The following PDE11A variants were observed in gnomAD, a reference collection of about 807,000 sequenced individuals.
The protein encoded by PDE11A is dual 3',5'-cyclic-AMP and -GMP phosphodiesterase 11A.
In PDE11A, 100 loss-of-function variants were observed where a neutral mutation model predicts 100.5. The ratio of observed to expected loss-of-function variants is 1.00; its 90% confidence interval spans 0.85 to 1.18. PDE11A has a LOEUF of 1.18. PDE11A is among the 50% of genes most tolerant of loss of function. The pLI, the probability that PDE11A is intolerant of heterozygous loss-of-function variation, is 0.00. For synonymous variants in PDE11A, 381 were observed against 420.8 expected (o/e 0.91, Z 1.16); for missense variants, 1,141 against 1,152.6 (o/e 0.99, Z 0.15).
chr2:177,933,870 A>G (rs1376756822), intron 2 of PDE11A, among the ~76,000 whole-genome samples: 5 of 152,198 alleles, frequency 3.3e-5, no homozygotes, highest in African/African-American at 1.2e-4. Context: ...AACAAAAATA[A>G]GCAATTGTGA....
chr2:178,089,513 G>A (rs1023172942), intron 2 of PDE11A, among the ~76,000 whole-genome samples: 3 of 152,238 alleles, frequency 2.0e-5, no homozygotes, highest in Admixed American at 2.0e-4. Flanking sequence ...AGGCAGGCCA[G>A]AGGATTAGAT....
At chr2:177,663,711 G>A (rs1472333976) in intron 19 of PDE11A, among the ~76,000 whole-genome samples, 155 bp downstream of exon 19, 1 of 152,158 alleles carries the variant, frequency 6.6e-6, no homozygotes, top group Non-Finnish European at 1.5e-5. Flanking sequence ...CCCAGCCAGG[G>A]CACAGTCAGA....
chr2:177,907,802 G>A (rs1289045582), intron 2 of PDE11A, among the ~76,000 whole-genome samples: 2 of 152,170 alleles, frequency 1.3e-5, no homozygotes, highest in Non-Finnish European at 2.9e-5. Flanking sequence ...AAAGATTTGG[G>A]TTGCTTACAT....
intron 1 of PDE11A, among the ~76,000 whole-genome samples, chr2:178,021,420 G>A (rs1471483697): frequency 2.0e-5 from 3 of 152,108 alleles, no homozygotes; most frequent in Non-Finnish European, 4.4e-5. Context: ...ATACAATTAT[G>A]TACTTTCTTA....
chr2:177,823,441 G>C (rs1267400207), intron 6 of PDE11A, among the ~76,000 whole-genome samples: 1 of 152,178 alleles, frequency 6.6e-6, no homozygotes, highest in Non-Finnish European at 1.5e-5. Flanking sequence ...GCTCACATTT[G>C]CTAGATGTTC....
intron 4 of PDE11A, among the ~76,000 whole-genome samples, chr2:177,897,252 A>C (rs1185404415): frequency 1.3e-5 from 2 of 152,184 alleles, no homozygotes; most frequent in Non-Finnish European, 2.9e-5. Flanking sequence ...AAGAATTTAG[A>C]TTGATGATGA....
Position 177,629,024 on chromosome 2 carries a change from G to C in PDE11A, c.*383C>G, listed in dbSNP as rs539090296. ...GGCAGTGTTTGGCTTGTAACAAACAGAAAAGCCCTATACAAAACGAAGCAG... is the reference window on the plus strand; with the variant it reads ...GGCAGTGTTTGGCTTGTAACAAACACAAAAGCCCTATACAAAACGAAGCAG... On this transcript the variant is annotated 3_prime_UTR_variant, in exon 20 of 20. Coordinates refer to ENST00000286063, the MANE Select transcript of PDE11A (RefSeq NM_016953.4). 3.8e-5 allele frequency: 9 copies of C among 239,980 alleles called. No homozygotes were observed. Among genetic ancestry groups the C allele is most frequent in the Non-Finnish European group, 6.6e-5 (8 of 120,714 alleles). The allele number at this position is 239,980 out of a possible 1,614,324, so 14.9% of individuals were successfully genotyped here.
intron 2 of PDE11A, chr2:177,998,574 G>C: frequency 1.5e-6 from 2 of 1,297,106 alleles, no homozygotes; most frequent in Non-Finnish European, 2.2e-6. Flanking sequence ...GTCTAACTGT[G>C]CATTGATAGC....
At chr2:177,993,204 G>C (rs2086025102) in intron 2 of PDE11A, among the ~76,000 whole-genome samples, 1 of 152,210 alleles carries the variant, frequency 6.6e-6, no homozygotes, top group South Asian at 2.1e-4. Flanking sequence ...CTGCGTGGTA[G>C]AGAGTAGGGC....
chr2:177,800,735 G>A (rs962009990), intron 9 of PDE11A, among the ~76,000 whole-genome samples: 1 of 152,092 alleles, frequency 6.6e-6, no homozygotes, highest in Non-Finnish European at 1.5e-5. Flanking sequence ...CCTGATGGGG[G>A]GAAGAATATT....
intron 9 of PDE11A, among the ~76,000 whole-genome samples, chr2:177,792,290 T>C (rs964558846): frequency 5.3e-5 from 8 of 152,200 alleles, no homozygotes; most frequent in African/African-American, 1.9e-4. Flanking sequence ...ATTGAGCAAC[T>C]TGGATTGGTT....
intron 5 of PDE11A, among the ~76,000 whole-genome samples, chr2:177,841,140 C>T (rs1352635680): frequency 2.6e-5 from 4 of 152,172 alleles, no homozygotes; most frequent in Non-Finnish European, 5.9e-5. Context: ...ATTTTCATGA[C>T]AGACACTACA....
intron 10 of PDE11A, among the ~76,000 whole-genome samples, chr2:177,767,018 G>C (rs2082249404): frequency 6.6e-6 from 1 of 152,184 alleles, no homozygotes; most frequent in Non-Finnish European, 1.5e-5. Flanking sequence ...AATTAAGCCT[G>C]AATGTTGGTG....
rs1272749596 is a variant in PDE11A, at chr2:177,950,566, G to GATGGGGAGAA, written c.1072-45389_1072-45380dup. ...GAGAATGAGGGGCAGAGATTTTCAG[G>GATGGGGAGAA]ATGGGGAGAAATGGGAAGAAAAGGA... On this transcript the variant is annotated intron_variant, in intron 2 of 19. Transcript: ENST00000286063. Among the ~76,000 whole-genome samples the GATGGGGAGAA allele has an allele frequency of 2.6e-5, 4 of 152,126 alleles. No homozygotes were observed. The East Asian group carries it at 7.7e-4, about 29-fold the overall frequency.
intron 2 of PDE11A, among the ~76,000 whole-genome samples, chr2:177,953,793 C>T (rs2085530531): frequency 6.6e-6 from 1 of 152,024 alleles, no homozygotes. Context: ...AGTACAAATC[C>T]TTCTAATTCC....
At chr2:177,663,738 A>G in intron 19 of PDE11A, 128 bp downstream of exon 19, 1 of 708,256 alleles carries the variant, frequency 1.4e-6, no homozygotes, top group Non-Finnish European at 2.6e-6. Context: ...AGAAAGACAA[A>G]CTGCAGCCAG....
chr2:178,055,783 T>A (rs1196240476), intron 1 of PDE11A, among the ~76,000 whole-genome samples: 1 of 152,188 alleles, frequency 6.6e-6, no homozygotes, highest in East Asian at 1.9e-4. Context: ...TATTCACGTT[T>A]TTCTATTTCA....
intron 9 of PDE11A, among the ~76,000 whole-genome samples, chr2:177,784,134 T>A (rs573156158): frequency 5.8e-4 from 88 of 151,252 alleles, no homozygotes; most frequent in African/African-American, 2.1e-3. Context: ...TAAGGAAGAG[T>A]GCACAGTCTC....
chr2:177,948,854 G>A (rs1407458590), intron 2 of PDE11A, among the ~76,000 whole-genome samples: 1 of 152,144 alleles, frequency 6.6e-6, no homozygotes, highest in Non-Finnish European at 1.5e-5. Context: ...AGGCTGCAGT[G>A]AGCTATGATT....
Sources: allele counts gnomAD v4.1 joint callset (sites outside exome capture counted in the v4.1 genomes callset), GRCh38; gene constraint gnomAD v4.1.1; transcripts MANE v1.5; gene names NCBI Gene and HGNC (gene_info 2026-07-23, HGNC 2026-07-21).